CNTN5: variants seen among roughly 807,000 people sequenced by gnomAD.
CNTN5 encodes contactin-5.
Under a neutral mutation model 129.1 loss-of-function variants are expected in CNTN5, and 77 were observed. That is an observed-to-expected ratio of 0.60 (90% confidence interval 0.50 to 0.72). The LOEUF is 0.72. Among genes scored for constraint, CNTN5 ranks in the 30% least tolerant of loss-of-function variants. CNTN5 has a pLI of 0.00. For missense variants in CNTN5, 1,478 were observed against 1,328.8 expected, an observed-to-expected ratio of 1.11 and a Z score of -1.75; for synonymous variants, 509 against 465.6, an observed-to-expected ratio of 1.09 and a Z score of -1.20.
intron 3 of CNTN5, among the ~76,000 whole-genome samples, chr11:99,717,509 A>T (rs1003886610): frequency 3.3e-5 from 5 of 152,006 alleles, no homozygotes; most frequent in African/African-American, 1.2e-4. Context: ...TGTCTTTTGG[A>T]TGGGGAAGAG....
At position 100,193,490 on chromosome 11, in the gene CNTN5, C is replaced by T; in HGVS notation, c.1711C>T (p.Pro571Ser). 1 of 1,552,750 alleles carries T rather than the reference C, an allele frequency of 6.4e-7. No homozygotes were observed. The highest frequency in any genetic ancestry group is 8.8e-7 in the Non-Finnish European group (1 of 1,141,488). Residue 571 changes from proline to serine, a missense_variant and splice_region_variant, in exon 15 of 25, where the codon CCT becomes TCT. Transcript: ENST00000524871. ...EIIASLSVKE[P>S]TRIELTPKRT... is the part of the protein sequence containing the mutation. ...TTAACGTATTTTTATTTCTATAGAA[C>T]CTACAAGGATAGAACTTACTCCTAA...
chr11:99,081,253 A>G (rs1409896079), intron 1 of CNTN5, among the ~76,000 whole-genome samples: 1 of 152,158 alleles, frequency 6.6e-6, no homozygotes, highest in Non-Finnish European at 1.5e-5. Flanking sequence ...AGCCTCTTCG[A>G]TATGTTTAGT....
chr11:99,525,148 C>T (rs1407167075), intron 2 of CNTN5, among the ~76,000 whole-genome samples: 1 of 150,828 alleles, frequency 6.6e-6, no homozygotes, highest in Non-Finnish European at 1.5e-5. Context: ...TAAAGGGAGG[C>T]TTTTTTTTTA....
chr11:99,484,980 T>C (rs538076341), intron 2 of CNTN5, among the ~76,000 whole-genome samples: 87 of 152,182 alleles, frequency 5.7e-4, no homozygotes, highest in African/African-American at 2.0e-3. Context: ...TACAGCTAGA[T>C]AGGAGGAATA....
At chr11:99,423,529 C>T (rs1307342835) in intron 2 of CNTN5, among the ~76,000 whole-genome samples, 2 of 152,182 alleles carry the variant, frequency 1.3e-5, no homozygotes, top group Non-Finnish European at 2.9e-5. Context: ...GGTAAACTTA[C>T]TAACAAAATG....
chr11:100,007,960 A>G (rs753257788), intron 9 of CNTN5, among the ~76,000 whole-genome samples: 4 of 151,968 alleles, frequency 2.6e-5, no homozygotes, highest in Non-Finnish European at 5.9e-5. Flanking sequence ...AGGGTTATTA[A>G]TTGGCTTAAT....
rs530429362 is a variant in CNTN5 at position 100,051,073 on chromosome 11, G to A, written c.981-10139G>A. On this transcript the variant is annotated intron_variant, in intron 9 of 24. Transcript: ENST00000524871. Reference sequence around the variant, plus strand: ...AATCAGTAAATAACCTTATTCTCCAGTAATTTATCAATTATAAGAAGAACA... The same window carrying A: ...AATCAGTAAATAACCTTATTCTCCAATAATTTATCAATTATAAGAAGAACA... Among the ~76,000 whole-genome samples the A allele has an allele frequency of 2.6e-5, 4 of 152,136 alleles. No homozygotes were observed. The South Asian group carries it at 8.3e-4, about 32-fold the overall frequency.
chr11:99,206,108 A>G (rs1286061271), intron 1 of CNTN5, among the ~76,000 whole-genome samples: 1 of 152,124 alleles, frequency 6.6e-6, no homozygotes, highest in African/African-American at 2.4e-5. Context: ...GGTTTTCTCG[A>G]GTTTTCCTAG....
Position 99,638,656 on chromosome 11 carries a change from G to T in CNTN5, c.55+82387G>T, listed in dbSNP as rs529505013. 6.6e-5 allele frequency among the ~76,000 whole-genome samples: 10 copies of T among 152,236 alleles called. No homozygotes were observed. The South Asian group carries it at 2.1e-3, about 32-fold the overall frequency. ...CGGCTAAAACAAAGGGGTTTTCAGG[G>T]TCCATGCAAGTCCAAAATCCAGCAG... is the stretch of plus-strand genomic sequence containing the variant. On this transcript the variant is annotated intron_variant, in intron 3 of 24. Coordinates refer to ENST00000524871, the MANE Select transcript of CNTN5 (RefSeq NM_014361.4).
At position 99,694,888 on chromosome 11, in the gene CNTN5, T is replaced by A. The variant is rs142243551; in HGVS notation, c.56-124656T>A. Among the ~76,000 whole-genome samples, 417 of 152,270 alleles carry A rather than the reference T, an allele frequency of 2.7e-3. 2 individuals are homozygous for A. Among genetic ancestry groups the A allele is most frequent in the African/African-American group, 9.3e-3 (386 of 41,566 alleles). On this transcript the variant is annotated intron_variant, in intron 3 of 24. Coordinates refer to ENST00000524871, the MANE Select transcript of CNTN5 (RefSeq NM_014361.4). ...TCAAAACCATTCTTCCTGGTAGATA[T>A]CAAAATTCCCCATTTTACTGATAAA...
intron 20 of CNTN5, among the ~76,000 whole-genome samples, chr11:100,305,756 A>G (rs1219675745): frequency 1.3e-5 from 2 of 151,588 alleles, no homozygotes; most frequent in Non-Finnish European, 3.0e-5. Flanking sequence ...AGTACATACT[A>G]AAATTTCTGG....
At chr11:100,052,639 G>C (rs1271639380) in intron 9 of CNTN5, among the ~76,000 whole-genome samples, 1 of 151,752 alleles carries the variant, frequency 6.6e-6, no homozygotes, top group African/African-American at 2.4e-5. Context: ...TCTCACAGTT[G>C]ATATATGTAT....
chr11:99,365,965 A>T (rs565680750), intron 2 of CNTN5, among the ~76,000 whole-genome samples: 1 of 152,278 alleles, frequency 6.6e-6, no homozygotes, highest in South Asian at 2.1e-4. Context: ...TTTCAGGATC[A>T]GCCTAAGGGA....
At chr11:99,665,590 A>T (rs189778943) in intron 3 of CNTN5, among the ~76,000 whole-genome samples, 1 of 144,900 alleles carries the variant, frequency 6.9e-6, no homozygotes, top group Non-Finnish European at 1.5e-5. Flanking sequence ...GGTTCAAGCA[A>T]TTCTCCCTGT....
At chr11:99,680,024 A>AT (rs1246251600) in intron 3 of CNTN5, among the ~76,000 whole-genome samples, 1 of 152,192 alleles carries the variant, frequency 6.6e-6, no homozygotes, top group Non-Finnish European at 1.5e-5. Flanking sequence ...AATTCTTTGA[A>AT]TCCTGAGAGA....
intron 9 of CNTN5, among the ~76,000 whole-genome samples, chr11:100,012,475 G>A (rs1335550909): frequency 1.3e-5 from 2 of 152,280 alleles, no homozygotes; most frequent in Admixed American, 6.5e-5. Context: ...TTTACACTGA[G>A]AGGTGTTATG....
chr11:99,037,649 C>T (rs1204834187), intron 1 of CNTN5, among the ~76,000 whole-genome samples: 4 of 142,824 alleles, frequency 2.8e-5, no homozygotes, highest in South Asian at 2.2e-4. Context: ...GATGCGATCT[C>T]GGTTCACAGC....
intron 13 of CNTN5, among the ~76,000 whole-genome samples, chr11:100,078,455 C>G (rs1944234452): frequency 6.6e-6 from 1 of 152,022 alleles, no homozygotes; most frequent in Non-Finnish European, 1.5e-5. Context: ...ATTTATATCA[C>G]AGAATGATCA....
At chr11:99,467,577 A>G (rs998347295) in intron 2 of CNTN5, among the ~76,000 whole-genome samples, 3 of 151,960 alleles carry the variant, frequency 2.0e-5, no homozygotes, top group Non-Finnish European at 2.9e-5. Flanking sequence ...TCTTGCCCCA[A>G]TATTAGTCTT....
Sources: allele counts gnomAD v4.1 joint callset (sites outside exome capture counted in the v4.1 genomes callset), GRCh38; gene constraint gnomAD v4.1.1; transcripts MANE v1.5; gene names NCBI Gene and HGNC (gene_info 2026-07-23, HGNC 2026-07-21).